The following CSMD1 variants were observed in gnomAD, a reference collection of about 807,000 sequenced individuals.
CSMD1 encodes the protein CUB and Sushi multiple domains 1, also known as CUB and sushi domain-containing protein 1.
Under a neutral mutation model 417.5 loss-of-function variants are expected in CSMD1, and 213 were observed. The observed-to-expected ratio is 0.51, with a 90% CI of 0.46 to 0.57. CSMD1 has a LOEUF of 0.57. Among genes scored for constraint, CSMD1 ranks in the 20% least tolerant of loss-of-function variants. CSMD1 has a pLI of 0.00. For synonymous variants in CSMD1, 2,862 were observed against 1,736.8 expected (o/e 1.65, Z -16.11); for missense variants, 6,923 against 4,529.7 (o/e 1.53, Z -15.17).
intron 8 of CSMD1, among the ~76,000 whole-genome samples, chr8:3,611,202 T>G (rs1460210150): frequency 6.6e-6 from 1 of 151,666 alleles, no homozygotes; most frequent in Non-Finnish European, 1.5e-5. Flanking sequence ...CTGCACATTG[T>G]GCACATGTAC....
chr8:4,382,091 C>T (rs543984331), intron 3 of CSMD1, among the ~76,000 whole-genome samples: 2 of 152,190 alleles, frequency 1.3e-5, no homozygotes, highest in Non-Finnish European at 2.9e-5. Context: ...CTTCTTGACA[C>T]ATAGCACTGT....
At chr8:4,272,255 G>T (rs551669168) in intron 3 of CSMD1, among the ~76,000 whole-genome samples, 2 of 152,050 alleles carry the variant, frequency 1.3e-5, no homozygotes, top group Non-Finnish European at 2.9e-5. Context: ...TAGGTTCTTC[G>T]AATCTGGGAC....
chr8:3,710,869 C>T (rs563931726), intron 6 of CSMD1, among the ~76,000 whole-genome samples: 1 of 152,060 alleles, frequency 6.6e-6, no homozygotes, highest in Admixed American at 6.5e-5. Context: ...CAAACCTTTC[C>T]ACGTGGGCTA....
At chr8:4,295,630 C>T (rs1797633450) in intron 3 of CSMD1, among the ~76,000 whole-genome samples, 1 of 143,182 alleles carries the variant, frequency 7.0e-6, no homozygotes, top group Admixed American at 7.1e-5. Context: ...TATATATAAA[C>T]ATATATTCAT....
intron 7 of CSMD1, among the ~76,000 whole-genome samples, chr8:3,677,023 G>C (rs541969444): frequency 6.6e-6 from 1 of 152,118 alleles, no homozygotes; most frequent in Non-Finnish European, 1.5e-5. Flanking sequence ...GGCAAGGGGA[G>C]GGAGAGCATT....
intron 7 of CSMD1, among the ~76,000 whole-genome samples, chr8:3,642,098 G>A (rs1382321604): frequency 1.3e-5 from 2 of 152,080 alleles, no homozygotes; most frequent in Non-Finnish European, 1.5e-5. Context: ...AGCAGATACA[G>A]CCTACAGCCA....
intron 5 of CSMD1, among the ~76,000 whole-genome samples, chr8:3,774,945 G>T (rs1271659449): frequency 1.3e-5 from 2 of 152,034 alleles, no homozygotes; most frequent in Non-Finnish European, 2.9e-5. Context: ...CAGCGAGACG[G>T]GAAACAGGTA....
chr8:4,253,377 T>G (rs1803220179), intron 3 of CSMD1, among the ~76,000 whole-genome samples: 1 of 152,024 alleles, frequency 6.6e-6, no homozygotes, highest in African/African-American at 2.4e-5. Flanking sequence ...TAAATGCATT[T>G]TTTTCATTGA....
intron 1 of CSMD1, among the ~76,000 whole-genome samples, chr8:4,817,074 G>C (rs1273388910): frequency 6.6e-6 from 1 of 152,048 alleles, no homozygotes; most frequent in Non-Finnish European, 1.5e-5. Flanking sequence ...ACTAGACCAT[G>C]TATATACAAC....
At chr8:3,314,771 G>A (rs1428269006) in intron 23 of CSMD1, among the ~76,000 whole-genome samples, 3 of 152,180 alleles carry the variant, frequency 2.0e-5, no homozygotes, top group Admixed American at 6.5e-5. Context: ...CAATATTAGA[G>A]TTCTATGAGA....
chr8:3,465,881 T>C (rs1282918935), intron 12 of CSMD1, among the ~76,000 whole-genome samples: 1 of 152,134 alleles, frequency 6.6e-6, no homozygotes, highest in East Asian at 1.9e-4. Flanking sequence ...GGGCACACAC[T>C]GAAAATTTCT....
At chr8:4,467,805 C>G (rs1800273218) in intron 2 of CSMD1, among the ~76,000 whole-genome samples, 1 of 152,072 alleles carries the variant, frequency 6.6e-6, no homozygotes, top group South Asian at 2.1e-4. Flanking sequence ...GGGGAAAGAA[C>G]TAGTGAAATA....
chr8:3,345,281 G>C (rs1173006127), intron 22 of CSMD1, among the ~76,000 whole-genome samples: 2 of 152,104 alleles, frequency 1.3e-5, no homozygotes, highest in Non-Finnish European at 2.9e-5. Context: ...TGGCTTCATG[G>C]TTACAACCAC....
At chr8:4,065,888 A>T (rs1563076891) in intron 3 of CSMD1, among the ~76,000 whole-genome samples, 1 of 152,202 alleles carries the variant, frequency 6.6e-6, no homozygotes, top group Non-Finnish European at 1.5e-5. Context: ...CATAAGAAAG[A>T]CTGCTCAAAG....
At chr8:4,683,582 G>A (rs767240925) in intron 1 of CSMD1, among the ~76,000 whole-genome samples, 32 of 152,316 alleles carry the variant, frequency 2.1e-4, no homozygotes, top group Non-Finnish European at 4.0e-4. Flanking sequence ...ACTGTTGGTA[G>A]TGGAGCCAGA....
intron 37 of CSMD1, among the ~76,000 whole-genome samples, chr8:3,170,042 G>C (rs1459217497): frequency 6.6e-6 from 1 of 152,254 alleles, no homozygotes; most frequent in African/African-American, 2.4e-5. Flanking sequence ...GGACACAAGT[G>C]CAGGAGTCGC....
At chr8:2,997,293 C>G (rs890536311) in intron 54 of CSMD1, among the ~76,000 whole-genome samples, 3 of 152,228 alleles carry the variant, frequency 2.0e-5, no homozygotes, top group Non-Finnish European at 4.4e-5. Context: ...TATACAACTT[C>G]TAATCATTTT....
At chr8:3,849,112 G>T (rs1232537804) in intron 5 of CSMD1, among the ~76,000 whole-genome samples, 1 of 152,038 alleles carries the variant, frequency 6.6e-6, no homozygotes, top group Non-Finnish European at 1.5e-5. Context: ...GTAACAGAAA[G>T]TTACACTGAA....
chr8:4,794,340 G>C (rs1459158962), intron 1 of CSMD1, among the ~76,000 whole-genome samples: 1 of 152,176 alleles, frequency 6.6e-6, no homozygotes, highest in African/African-American at 2.4e-5. Flanking sequence ...TTAGAAATGA[G>C]TGACTATTTC....
Sources: allele counts gnomAD v4.1 joint callset (sites outside exome capture counted in the v4.1 genomes callset), GRCh38; gene constraint gnomAD v4.1.1; transcripts MANE v1.5; gene names NCBI Gene and HGNC (gene_info 2026-07-23, HGNC 2026-07-21).